DYNC1I1: variants seen among roughly 807,000 people sequenced by gnomAD.
The protein encoded by DYNC1I1 is dynein cytoplasmic 1 intermediate chain 1.
A neutral mutation model predicts 86.6 loss-of-function variants in DYNC1I1; 43 were observed. That is an observed-to-expected ratio of 0.50 (90% CI 0.39 to 0.64). The LOEUF is 0.64. Among genes scored for constraint, DYNC1I1 ranks in the 30% least tolerant of loss-of-function variants. The pLI is 0.00. For synonymous variants in DYNC1I1, 262 were observed against 283.7 expected, an observed-to-expected ratio of 0.92 and a Z score of 0.77; for missense variants, 604 against 788.8, an observed-to-expected ratio of 0.77 and a Z score of 2.81.
chr7:96,008,067 G>A (rs937284526), intron 10 of DYNC1I1, among the ~76,000 whole-genome samples: 2 of 152,126 alleles, frequency 1.3e-5, no homozygotes, highest in Non-Finnish European at 2.9e-5. Context: ...ACGAGGGTGG[G>A]ATCACAGGCA....
intron 6 of DYNC1I1, among the ~76,000 whole-genome samples, chr7:95,956,496 C>CT (rs912117038): frequency 3.3e-5 from 5 of 151,492 alleles, no homozygotes; most frequent in African/African-American, 9.7e-5. Context: ...AACCGGTCAT[C>CT]TACATTAGTT....
At chr7:95,929,152 A>G (rs1791823880) in intron 6 of DYNC1I1, among the ~76,000 whole-genome samples, 1 of 152,138 alleles carries the variant, frequency 6.6e-6, no homozygotes, top group South Asian at 2.1e-4. Context: ...TTCTATCACT[A>G]GTATTTTCTG....
chr7:95,882,776 A>G (rs1419038187), intron 6 of DYNC1I1, among the ~76,000 whole-genome samples: 2 of 152,248 alleles, frequency 1.3e-5, no homozygotes, highest in Non-Finnish European at 2.9e-5. Flanking sequence ...TTCCACCCTT[A>G]CAGAGACAAC....
intron 10 of DYNC1I1, among the ~76,000 whole-genome samples, chr7:96,001,057 T>C (rs1793999416): frequency 6.6e-6 from 1 of 152,296 alleles, no homozygotes; most frequent in South Asian, 2.1e-4. Flanking sequence ...CTTACTAGCA[T>C]TTGCTGCATC....
At chr7:95,920,142 T>C (rs1332905293) in intron 6 of DYNC1I1, among the ~76,000 whole-genome samples, 1 of 152,170 alleles carries the variant, frequency 6.6e-6, no homozygotes, top group East Asian at 1.9e-4. Flanking sequence ...CAGACACTGC[T>C]TCAGCCAGGC....
At chr7:95,827,281 G>C (rs955143940) in intron 4 of DYNC1I1, among the ~76,000 whole-genome samples, 2 of 152,140 alleles carry the variant, frequency 1.3e-5, no homozygotes, top group Non-Finnish European at 2.9e-5. Context: ...CCTGTAACCG[G>C]TACTGTGCAG....
At chr7:96,052,886 A>G (rs1017225309) in intron 14 of DYNC1I1, among the ~76,000 whole-genome samples, 1 of 152,164 alleles carries the variant, frequency 6.6e-6, no homozygotes, top group Non-Finnish European at 1.5e-5. Flanking sequence ...GCCTGATGTC[A>G]TGTAGACTGA....
intron 10 of DYNC1I1, among the ~76,000 whole-genome samples, chr7:96,016,426 C>A (rs188690092): frequency 3.3e-5 from 5 of 151,854 alleles, no homozygotes; most frequent in Admixed American, 3.3e-4. Context: ...ATTTTACCAG[C>A]AAGGGATTGA....
chr7:95,862,866 A>G (rs1562926354), intron 5 of DYNC1I1, among the ~76,000 whole-genome samples: 1 of 152,222 alleles, frequency 6.6e-6, no homozygotes, highest in Non-Finnish European at 1.5e-5. Context: ...CATATAATCT[A>G]TGTACATCCT....
At chr7:96,023,676 A>C (rs915627541) in intron 10 of DYNC1I1, among the ~76,000 whole-genome samples, 2 of 152,138 alleles carry the variant, frequency 1.3e-5, no homozygotes, top group Non-Finnish European at 2.9e-5. Context: ...CTTCTCTTTA[A>C]ATAGATGATG....
intron 1 of DYNC1I1, among the ~76,000 whole-genome samples, chr7:95,786,847 T>C (rs1364272444): frequency 6.9e-6 from 1 of 145,028 alleles, no homozygotes; most frequent in Non-Finnish European, 1.6e-5. Flanking sequence ...AGAAATGCGC[T>C]CTGATCTGCT....
chr7:96,047,549 G>C, intron 14 of DYNC1I1, among the ~76,000 whole-genome samples: 1 of 152,140 alleles, frequency 6.6e-6, no homozygotes, highest in East Asian at 1.9e-4. Flanking sequence ...AGGGTCACGT[G>C]GACCTCAGTG....
intron 6 of DYNC1I1, among the ~76,000 whole-genome samples, chr7:95,883,527 A>T (rs1790510988): frequency 6.6e-6 from 1 of 152,216 alleles, no homozygotes; most frequent in African/African-American, 2.4e-5. Flanking sequence ...CCGTGGAATG[A>T]CATGGTGGTG....
chr7:95,834,607 CT>C (rs1562913482), intron 5 of DYNC1I1, among the ~76,000 whole-genome samples: 1 of 139,806 alleles, frequency 7.2e-6, no homozygotes, highest in Non-Finnish European at 1.5e-5. Flanking sequence ...GTCCTGGACT[CT>C]TTTTGGTTGG....
intron 6 of DYNC1I1, among the ~76,000 whole-genome samples, chr7:95,881,499 T>C (rs1474456456): frequency 6.6e-6 from 1 of 152,244 alleles, no homozygotes; most frequent in Non-Finnish European, 1.5e-5. Flanking sequence ...TGCAGTAAAA[T>C]ATATCAGACT....
intron 6 of DYNC1I1, among the ~76,000 whole-genome samples, chr7:95,920,692 A>G (rs1458656851): frequency 6.6e-6 from 1 of 152,186 alleles, no homozygotes; most frequent in Non-Finnish European, 1.5e-5. Flanking sequence ...CAGTGTCATT[A>G]TTTTCCTAAA....
chr7:95,848,216 T>TA (rs1182266688), intron 5 of DYNC1I1, among the ~76,000 whole-genome samples: 1 of 151,950 alleles, frequency 6.6e-6, no homozygotes, highest in East Asian at 1.9e-4. Flanking sequence ...TTGTTTTTTT[T>TA]TTTTTTTTTA....
chr7:96,027,169 A>G (rs1341231725), intron 10 of DYNC1I1, among the ~76,000 whole-genome samples: 1 of 152,160 alleles, frequency 6.6e-6, no homozygotes, highest in Non-Finnish European at 1.5e-5. Context: ...CCAGAGCACA[A>G]ATTTGCTGAG....
chr7:95,996,215 G>A lies in DYNC1I1; in HGVS notation c.969+142G>A, dbSNP rs936225194. On this transcript the variant is annotated intron_variant, in intron 10 of 16. Transcript: ENST00000447467. Reference sequence around the variant, plus strand: ...GACAATTTTGGAAAATTCCCCCACAGTAACCTAATGTTTTGGGAAAGTGGC... The same window carrying A: ...GACAATTTTGGAAAATTCCCCCACAATAACCTAATGTTTTGGGAAAGTGGC... 8.7e-6 allele frequency: 11 copies of A among 1,258,520 alleles called. No individual in the cohort carries two copies. In the African/African-American group the frequency reaches 1.4e-4, roughly 16 times the overall value. 78.0% of individuals were successfully genotyped at this position (1,258,520 alleles called of 1,614,324 possible).
Sources: allele counts gnomAD v4.1 joint callset (sites outside exome capture counted in the v4.1 genomes callset), GRCh38; gene constraint gnomAD v4.1.1; transcripts MANE v1.5; gene names NCBI Gene and HGNC (gene_info 2026-07-23, HGNC 2026-07-21).